Variants in WDR59 observed in about 807,000 individuals in gnomAD.
WDR59 encodes the protein GATOR2 complex protein WDR59.
WDR59 carries 100 observed loss-of-function variants against 131.2 expected under a neutral mutation model. The observed-to-expected ratio is 0.76, with a 90% CI of 0.65 to 0.90. The LOEUF (loss-of-function observed/expected upper bound fraction) is 0.90, where lower values mean the gene tolerates loss of function less well. Among genes scored for constraint, WDR59 ranks in the 40% least tolerant of loss-of-function variants. The probability of loss-of-function intolerance (pLI) is 0.00; values close to 1 mark genes in which losing one functional copy is unlikely to be tolerated. For synonymous variants in WDR59, 601 were observed against 466.2 expected (o/e 1.29, Z -3.72); for missense variants, 1,203 against 1,262.2 (o/e 0.95, Z 0.71).
At chr16:74,923,212 G>A (rs1283004185) in intron 9 of WDR59, among the ~76,000 whole-genome samples, 4 of 152,176 alleles carry the variant, frequency 2.6e-5, no homozygotes, top group Non-Finnish European at 5.9e-5. Flanking sequence ...GGAAATTTCT[G>A]CTCAAAAACA....
At position 74,871,838 on chromosome 16, in the gene WDR59, C is replaced by A. The variant is rs1467176833; in HGVS notation, c.*2371G>T. 6.6e-6 allele frequency: 1 copy of A among 152,254 alleles called. No individual in the cohort carries two copies. The highest frequency in any genetic ancestry group is 1.9e-4 in the East Asian group (1 of 5,196). The allele number at this position is 152,254 out of a possible 1,614,324, so 9.4% of individuals were successfully genotyped here. A position where few individuals can be genotyped will look rare whatever the true frequency, so the allele number is the denominator to read the frequency against. The stretch of plus-strand genomic sequence containing the variant: ...TTCTCCTGTCATCCTCCCAGCGGCT[C>A]CCCCGCCCTGCTCACGCTACTGAGA... On this transcript the variant is annotated 3_prime_UTR_variant, in exon 26 of 26. Transcript: ENST00000262144.
At chr16:74,886,218 G>C in intron 24 of WDR59, 52 bp downstream of exon 24, 2 of 1,460,318 alleles carry the variant, frequency 1.4e-6, no homozygotes, top group Non-Finnish European at 1.9e-6. Context: ...GGAGAAACTG[G>C]AGTCCTGCCT....
At chr16:74,934,726 C>A (rs1488013128) in intron 8 of WDR59, among the ~76,000 whole-genome samples, 1 of 152,206 alleles carries the variant, frequency 6.6e-6, no homozygotes, top group East Asian at 1.9e-4. Context: ...AGCAGGAAGA[C>A]TGCTTGAGCC....
rs768710120 is a variant in WDR59, at chr16:74,893,822, G to C, written c.1867-10C>G. The C allele has an allele frequency of 5.0e-6, 8 of 1,613,874 alleles. No homozygotes were observed. The Middle Eastern group carries it at 8.3e-4, about 166-fold the overall frequency. ...TCCATCGTCTTGATTTCTAGGGGTAGATGACAGGATGTAACTAATGGGGAC... is the reference window on the plus strand; with the variant it reads ...TCCATCGTCTTGATTTCTAGGGGTACATGACAGGATGTAACTAATGGGGAC... On this transcript the variant is annotated splice_polypyrimidine_tract_variant and intron_variant, in intron 18 of 25. Coordinates refer to ENST00000262144, the MANE Select transcript of WDR59 (RefSeq NM_030581.4).
At chr16:74,882,271 A>G (rs1964522467) in intron 25 of WDR59, among the ~76,000 whole-genome samples, 4 of 152,350 alleles carry the variant, frequency 2.6e-5, no homozygotes, top group South Asian at 4.1e-4. Flanking sequence ...GCCATCATTA[A>G]TCTTTTCCTG....
chr16:74,885,818 C>T, intron 24 of WDR59, 23 bp from the exon 25 acceptor site: 1 of 1,605,558 alleles, frequency 6.2e-7, no homozygotes, highest in South Asian at 1.1e-5. Flanking sequence ...AAAAAGATTT[C>T]CTGTCAGTTC....
At chr16:74,978,140 G>A (rs1030506349) in intron 1 of WDR59, among the ~76,000 whole-genome samples, 12 of 152,230 alleles carry the variant, frequency 7.9e-5, no homozygotes, top group African/African-American at 2.6e-4. Flanking sequence ...TGGATCGTGA[G>A]GTCAGGAGTT....
chr16:74,943,052 C>G (rs1315827235), intron 6 of WDR59, among the ~76,000 whole-genome samples: 1 of 152,132 alleles, frequency 6.6e-6, no homozygotes, highest in Non-Finnish European at 1.5e-5. Flanking sequence ...GAAATAATCT[C>G]AGGGGAAAAA....
chr16:74,874,576 T>C lies in WDR59; in HGVS notation c.2690-132A>G. On this transcript the variant is annotated intron_variant, in intron 25 of 25. Coordinates refer to ENST00000262144, the MANE Select transcript of WDR59 (RefSeq NM_030581.4). ...GCAGATTCTCTTAGACCAGTGGTTTTCATTTTCTGTTTTTTTTATTTTTAT... is the reference window on the plus strand; with the variant it reads ...GCAGATTCTCTTAGACCAGTGGTTTCCATTTTCTGTTTTTTTTATTTTTAT... 8.3e-6 allele frequency: 6 copies of C among 720,286 alleles called. No homozygotes were observed. The South Asian group carries it at 9.8e-5, about 12-fold the overall frequency. The allele number at this position is 720,286 out of a possible 1,614,324, so 44.6% of individuals were successfully genotyped here.
intron 6 of WDR59, among the ~76,000 whole-genome samples, chr16:74,945,264 C>T (rs1475949789): frequency 6.6e-6 from 1 of 151,954 alleles, no homozygotes; most frequent in Non-Finnish European, 1.5e-5. Flanking sequence ...ATCATGAGGT[C>T]AGGAGATCGA....
Position 74,971,588 on chromosome 16 carries a change from G to A in WDR59, c.55-5766C>T, listed in dbSNP as rs578005309. ...GCTGGGATTACAAGTACCTGTCACC[G>A]TGCCTGGCTGTTTTTTGTATTTTTA... is the stretch of plus-strand genomic sequence containing the variant. On this transcript the variant is annotated intron_variant, in intron 1 of 25. Transcript: ENST00000262144. 3.3e-5 allele frequency among the ~76,000 whole-genome samples: 5 copies of A among 151,582 alleles called. No individual in the cohort carries two copies. In the East Asian group the frequency reaches 5.8e-4, roughly 18 times the overall value.
chr16:74,918,971 G>A (rs1567719653), intron 10 of WDR59, among the ~76,000 whole-genome samples: 1 of 152,110 alleles, frequency 6.6e-6, no homozygotes, highest in Non-Finnish European at 1.5e-5. Context: ...CTTGTTACAA[G>A]TGCCACCATC....
intron 1 of WDR59, among the ~76,000 whole-genome samples, chr16:74,979,464 TCAAAA>T (rs71158561): frequency 0.97 from 142,367 of 147,362 alleles, 68,935 homozygotes; most frequent in South Asian, 1. Flanking sequence ...AGACTCTGTC[TCAAAA>T]CAAAACAAAA....
chr16:74,956,259 T>A (rs960419420), intron 3 of WDR59, among the ~76,000 whole-genome samples: 2 of 152,206 alleles, frequency 1.3e-5, no homozygotes, highest in African/African-American at 2.4e-5. Flanking sequence ...CTGAATTCAG[T>A]CCCTAGTAAT....
At chr16:74,915,372 G>T (rs1207892377) in intron 13 of WDR59, 8 of 152,252 alleles carry the variant, frequency 5.3e-5, no homozygotes, top group African/African-American at 1.9e-4. Context: ...AAAGAATAGG[G>T]GTAGAAAGAA....
At chr16:74,928,133 C>G (rs1417601161) in intron 8 of WDR59, among the ~76,000 whole-genome samples, 2 of 150,774 alleles carry the variant, frequency 1.3e-5, no homozygotes. Context: ...AGCTCAATCT[C>G]TTGACATCGT....
intron 9 of WDR59, among the ~76,000 whole-genome samples, chr16:74,923,400 G>A (rs1435243706): frequency 6.6e-6 from 1 of 152,040 alleles, no homozygotes; most frequent in Non-Finnish European, 1.5e-5. Flanking sequence ...TCTTTACATG[G>A]CCTAGCTTCT....
intron 21 of WDR59, 90 bp downstream of exon 21, chr16:74,889,613 C>T (rs1024145876): frequency 3.0e-6 from 3 of 992,058 alleles, no homozygotes; most frequent in Admixed American, 4.2e-5. Flanking sequence ...CGGGCCTCTG[C>T]ACCTTTCTCT....
At position 74,886,306 on chromosome 16, in the gene WDR59, C is replaced by T. The variant is rs375387121; in HGVS notation, c.2510G>A (p.Arg837His). 44 of 1,613,770 alleles carry T rather than the reference C, an allele frequency of 2.7e-5. No individual in the cohort carries two copies. The highest frequency in any genetic ancestry group is 3.5e-5 in the Non-Finnish European group (41 of 1,179,942). Residue 837 changes from arginine (R) to histidine (H), a missense_variant, in exon 24 of 26, where the codon CGT becomes CAT. By Grantham distance (29) the Arg-to-His change is conservative. Coordinates refer to ENST00000262144, the MANE Select transcript of WDR59 (RefSeq NM_030581.4). ...RFGSLTYSDP[R>H]ERERDQHDKN... ...ATCATGCTGGTCGCGTTCTCGCTCACGGGGATCACTGTAGGTCAGACTCCC... is the reference window on the plus strand; with the variant it reads ...ATCATGCTGGTCGCGTTCTCGCTCATGGGGATCACTGTAGGTCAGACTCCC...
Sources: allele counts gnomAD v4.1 joint callset (sites outside exome capture counted in the v4.1 genomes callset), GRCh38; gene constraint gnomAD v4.1.1; transcripts MANE v1.5; gene names NCBI Gene and HGNC (gene_info 2026-07-23, HGNC 2026-07-21).